Variants in PTPRG observed in about 807,000 individuals in gnomAD.
The protein encoded by PTPRG is receptor-type tyrosine-protein phosphatase gamma.
Under a neutral mutation model 165.3 loss-of-function variants are expected in PTPRG, and 102 were observed. That is an observed-to-expected ratio of 0.62 (90% CI 0.53 to 0.73). PTPRG has a LOEUF of 0.73. Ranked by LOEUF, PTPRG falls within the 30% of genes least tolerant of loss-of-function variation. The probability of loss-of-function intolerance (pLI) is 0.00; values close to 1 mark genes in which losing one functional copy is unlikely to be tolerated. For synonymous variants in PTPRG, 675 were observed against 669.5 expected, an observed-to-expected ratio of 1.01 and a Z score of -0.13; for missense variants, 1,866 against 1,861.4, an observed-to-expected ratio of 1.00 and a Z score of -0.05.
rs1703083420 is a variant in PTPRG at position 62,296,970 on chromosome 3, C to T, written c.*3663C>T. Reference sequence around the variant, plus strand: ...TTTATAAAATGTCGCAACTCTCCAACATTTGGGGTAGTGACTCCTTTTTTG... The same window carrying T: ...TTTATAAAATGTCGCAACTCTCCAATATTTGGGGTAGTGACTCCTTTTTTG... On this transcript the variant is annotated 3_prime_UTR_variant, in exon 30 of 30. Transcript: ENST00000474889. 6.6e-6 allele frequency: 1 copy of T among 151,990 alleles called. No homozygotes were observed. The allele number at this position is 151,990 out of a possible 1,614,324, so 9.4% of individuals were successfully genotyped here. A position where few individuals can be genotyped will look rare whatever the true frequency, so the allele number is the denominator to read the frequency against.
chr3:61,846,770 C>T (rs1575717290), intron 2 of PTPRG, among the ~76,000 whole-genome samples: 1 of 152,060 alleles, frequency 6.6e-6, no homozygotes, highest in South Asian at 2.1e-4. Flanking sequence ...GAAAAATTAG[C>T]CAGGTGTGGT....
At chr3:61,773,698 A>G (rs2034280983) in intron 2 of PTPRG, among the ~76,000 whole-genome samples, 1 of 152,162 alleles carries the variant, frequency 6.6e-6, no homozygotes, top group Admixed American at 6.5e-5. Context: ...AGATCTCAAA[A>G]AAGAGCCTAG....
At chr3:61,764,097 G>T (rs2033940348) in intron 2 of PTPRG, among the ~76,000 whole-genome samples, 1 of 152,170 alleles carries the variant, frequency 6.6e-6, no homozygotes, top group East Asian at 1.9e-4. Flanking sequence ...ACATATTATT[G>T]AGTACTGAAG....
intron 15 of PTPRG, 67 bp downstream of exon 15, chr3:62,243,965 T>A: frequency 2.0e-6 from 2 of 987,520 alleles, no homozygotes; most frequent in Non-Finnish European, 3.1e-6. Flanking sequence ...CAGTTTTATG[T>A]GATAAAACAA....
intron 1 of PTPRG, among the ~76,000 whole-genome samples, chr3:61,667,876 G>A (rs910051912): frequency 6.6e-6 from 1 of 151,970 alleles, no homozygotes. Context: ...CAAGACCAGG[G>A]ATTGGCAAAC....
In PTPRG at chr3:61,565,986, T is replaced by G. The variant is rs114963181; in HGVS notation, c.85+3614T>G. 6.1e-3 allele frequency among the ~76,000 whole-genome samples: 926 copies of G among 152,232 alleles called. 7 individuals carry two copies. The highest frequency in any genetic ancestry group is 6.8e-3 in the Non-Finnish European group (464 of 68,014). On this transcript the variant is annotated intron_variant, in intron 1 of 29. Coordinates refer to ENST00000474889, the MANE Select transcript of PTPRG (RefSeq NM_002841.4). The stretch of plus-strand genomic sequence containing the variant: ...GTATCATGTTTGAAAATGAAGAATC[T>G]TTACCCAGTCTCTAAACTGGGTTCC...
intron 8 of PTPRG, among the ~76,000 whole-genome samples, chr3:62,189,318 G>C (rs1355372421): frequency 6.6e-6 from 1 of 152,180 alleles, no homozygotes; most frequent in Non-Finnish European, 1.5e-5. Context: ...CCACCGGCCA[G>C]GTCCTCAAAG....
At chr3:61,898,529 G>C (rs17065560) in intron 2 of PTPRG, among the ~76,000 whole-genome samples, 4 of 152,152 alleles carry the variant, frequency 2.6e-5, no homozygotes, top group African/African-American at 9.7e-5. Flanking sequence ...GGTTCTATTA[G>C]ATGATACATC....
At chr3:62,032,502 GA>G (rs1699801618) in intron 4 of PTPRG, among the ~76,000 whole-genome samples, 1 of 152,078 alleles carries the variant, frequency 6.6e-6, no homozygotes, top group Non-Finnish European at 1.5e-5. Context: ...GCTAGGAAGA[GA>G]CAAAACAACT....
chr3:61,923,696 T>A (rs2039138211), intron 2 of PTPRG, among the ~76,000 whole-genome samples: 1 of 145,032 alleles, frequency 6.9e-6, no homozygotes, highest in African/African-American at 2.5e-5. Flanking sequence ...TTTTGTATTT[T>A]TTTTTTTTTT....
chr3:61,888,319 G>GTTTT (rs1466488826), intron 2 of PTPRG, among the ~76,000 whole-genome samples: 1 of 136,296 alleles, frequency 7.3e-6, no homozygotes, highest in African/African-American at 3.5e-5. Flanking sequence ...AGGAAAATGG[G>GTTTT]TTGTTTTTTT....
At chr3:61,563,464 G>A (rs1048726115) in intron 1 of PTPRG, among the ~76,000 whole-genome samples, 1 of 152,068 alleles carries the variant, frequency 6.6e-6, no homozygotes, top group African/African-American at 2.4e-5. Context: ...CAGGTCCCCC[G>A]GGCAGCAGCC....
chr3:62,188,958 G>T (rs1294025696), intron 8 of PTPRG, among the ~76,000 whole-genome samples: 1 of 152,068 alleles, frequency 6.6e-6, no homozygotes, highest in Non-Finnish European at 1.5e-5. Flanking sequence ...CGCCTCCTCC[G>T]TGTTCTGTCT....
intron 2 of PTPRG, among the ~76,000 whole-genome samples, chr3:61,772,325 C>T (rs2034234971): frequency 6.6e-6 from 1 of 152,004 alleles, no homozygotes; most frequent in Admixed American, 6.6e-5. Flanking sequence ...TGCTGCCAAT[C>T]ATGGTGATGT....
chr3:61,635,450 A>G (rs57830537), intron 1 of PTPRG, among the ~76,000 whole-genome samples: 1 of 151,624 alleles, frequency 6.6e-6, no homozygotes, highest in Admixed American at 6.6e-5. Flanking sequence ...TTGGCCTCCC[A>G]GGTTCAAGTG....
chr3:62,271,599 C>T lies in PTPRG; in HGVS notation c.3182+44C>T, dbSNP rs368368482. 4 of 1,555,238 alleles carry T rather than the reference C, an allele frequency of 2.6e-6. No individual in the cohort carries two copies. Among genetic ancestry groups the T allele is most frequent in the African/African-American group, 1.4e-5 (1 of 73,390 alleles). On this transcript the variant is annotated intron_variant, in intron 21 of 29. Coordinates refer to ENST00000474889, the MANE Select transcript of PTPRG (RefSeq NM_002841.4). The surrounding 1 kb of genome is among the most constrained non-coding windows in gnomAD (Gnocchi z 4.1). ...CATGTGAAATAGATGGGGCAGGGGACTTAGGCCTCAGTGACCTTGGACCAC... is the reference window on the plus strand; with the variant it reads ...CATGTGAAATAGATGGGGCAGGGGATTTAGGCCTCAGTGACCTTGGACCAC...
intron 1 of PTPRG, among the ~76,000 whole-genome samples, chr3:61,702,817 C>T (rs1191391313): frequency 1.3e-5 from 2 of 152,184 alleles, no homozygotes; most frequent in East Asian, 1.9e-4. Flanking sequence ...TGATGTTGTG[C>T]GGTACTTACT....
intron 4 of PTPRG, among the ~76,000 whole-genome samples, chr3:62,030,961 T>A (rs969815849): frequency 6.6e-6 from 1 of 152,226 alleles, no homozygotes; most frequent in African/African-American, 2.4e-5. Context: ...TTTGTTGGTG[T>A]AAACCAATTG....
intron 4 of PTPRG, among the ~76,000 whole-genome samples, chr3:62,056,189 G>A (rs1052075179): frequency 1.3e-5 from 2 of 152,200 alleles, no homozygotes; most frequent in Non-Finnish European, 2.9e-5. Flanking sequence ...GATTGACTTC[G>A]AATATGCCCT....
Sources: allele counts gnomAD v4.1 joint callset (sites outside exome capture counted in the v4.1 genomes callset), GRCh38; gene constraint gnomAD v4.1.1; non-coding constraint Gnocchi (gnomAD v3.1); transcripts MANE v1.5; gene names NCBI Gene and HGNC (gene_info 2026-07-23, HGNC 2026-07-21).